The following PODXL variants were observed in gnomAD, a reference collection of about 807,000 sequenced individuals.
PODXL encodes podocalyxin like, also known as podocalyxin.
PODXL carries 20 observed loss-of-function variants against 48.9 expected under a neutral mutation model. That is an observed-to-expected ratio of 0.41 (90% CI 0.29 to 0.59). The LOEUF (loss-of-function observed/expected upper bound fraction) is 0.59. Ranked by LOEUF, PODXL falls within the 20% of genes least tolerant of loss-of-function variation. The pLI is 0.31. For missense variants in PODXL, 606 were observed against 675.1 expected (o/e 0.90, Z 1.13); for synonymous variants, 295 against 287.4 (o/e 1.03, Z -0.27).
At chr7:131,507,134 C>T (rs1488247557) in intron 5 of PODXL, among the ~76,000 whole-genome samples, 1 of 152,202 alleles carries the variant, frequency 6.6e-6, no homozygotes, top group East Asian at 1.9e-4. Context: ...ACTCCAATTC[C>T]CCCTAAACTC....
At chr7:131,509,071 G>A (rs1326770443) in intron 4 of PODXL, 43 bp from the exon 5 acceptor site, 3 of 1,517,302 alleles carry the variant, frequency 2.0e-6, no homozygotes, top group African/African-American at 1.4e-5. Flanking sequence ...TAATAGTCAT[G>A]GAATCTTTGA....
intron 1 of PODXL, among the ~76,000 whole-genome samples, chr7:131,552,378 C>T (rs989576570): frequency 6.6e-6 from 1 of 152,182 alleles, no homozygotes; most frequent in Admixed American, 6.5e-5. Context: ...CTCTTCCCCT[C>T]CCTCCCTGCA....
In PODXL at chr7:131,513,261, G is replaced by A. The variant is rs139446494; in HGVS notation, c.101-1828C>T. ...CAGTAATCCAGATGGAATGAACAGC[G>A]TTGGCCACAGGAAGCTATTGACACT... On this transcript the variant is annotated intron_variant, in intron 1 of 8. Coordinates refer to ENST00000378555, the MANE Select transcript of PODXL (RefSeq NM_001018111.3). Among the ~76,000 whole-genome samples the A allele has an allele frequency of 8.5e-5, 13 of 152,296 alleles. No individual in the cohort carries two copies. The East Asian group carries it at 1.7e-3, about 20-fold the overall frequency.
chr7:131,519,643 A>C (rs1798062670), intron 1 of PODXL, among the ~76,000 whole-genome samples: 1 of 152,198 alleles, frequency 6.6e-6, no homozygotes, highest in Non-Finnish European at 1.5e-5. Context: ...AATGTGAGGT[A>C]CAAAAATAGT....
chr7:131,511,100 G>T lies in PODXL; in HGVS notation c.434C>A (p.Thr145Asn). ...TTCTGCTCCATTCTGGCTGCTTGTG[G>T]TGTTAGGTTTAGCTGTGGCTGTGGA... ...ATSTATAKPN[T>N]TSSQNGAEDT... Residue 145 changes from threonine (T) to asparagine (N), a missense_variant, in exon 2 of 9, where the codon ACC (threonine) becomes AAC (asparagine). By Grantham distance (65) the Thr-to-Asn change is moderately conservative. Transcript: ENST00000378555. The T allele has an allele frequency of 6.2e-7, 1 of 1,613,976 alleles. No individual in the cohort carries two copies. Among genetic ancestry groups the T allele is most frequent in the Non-Finnish European group, 8.5e-7 (1 of 1,180,018 alleles).
intron 1 of PODXL, among the ~76,000 whole-genome samples, chr7:131,543,540 G>A (rs1403156119): frequency 1.3e-5 from 2 of 152,074 alleles, no homozygotes; most frequent in Non-Finnish European, 2.9e-5. Flanking sequence ...AGCCCAACAA[G>A]TAGAGACGAG....
At chr7:131,545,008 C>G (rs892244282) in intron 1 of PODXL, among the ~76,000 whole-genome samples, 1 of 152,106 alleles carries the variant, frequency 6.6e-6, no homozygotes, top group African/African-American at 2.4e-5. Flanking sequence ...GATGACGGGA[C>G]TCAGGATCTA....
intron 5 of PODXL, among the ~76,000 whole-genome samples, chr7:131,507,851 A>G (rs977123135): frequency 6.6e-6 from 1 of 152,144 alleles, no homozygotes; most frequent in Non-Finnish European, 1.5e-5. Flanking sequence ...TCTGGTCTAG[A>G]TGTAGGCTTT....
chr7:131,551,125 C>A (rs1345815858), intron 1 of PODXL, among the ~76,000 whole-genome samples: 1 of 152,212 alleles, frequency 6.6e-6, no homozygotes, highest in African/African-American at 2.4e-5. Flanking sequence ...TGTCAATTTT[C>A]TTGAAGGCTT....
intron 1 of PODXL, among the ~76,000 whole-genome samples, chr7:131,517,514 C>A (rs1798020082): frequency 6.6e-6 from 1 of 152,188 alleles, no homozygotes; most frequent in Non-Finnish European, 1.5e-5. Context: ...ATTTCTTTTC[C>A]ATGGCTGCGT....
intron 1 of PODXL, among the ~76,000 whole-genome samples, chr7:131,515,248 T>C (rs900849125): frequency 2.0e-5 from 3 of 152,172 alleles, no homozygotes; most frequent in Non-Finnish European, 2.9e-5. Context: ...AACCAGAGAC[T>C]TTCCAAGAAC....
chr7:131,524,409 A>AGAGAGAGAGAGAGAGAGAGAGAG (rs760491817), intron 1 of PODXL, among the ~76,000 whole-genome samples: 1 of 72,140 alleles, frequency 1.4e-5, no homozygotes, highest in Non-Finnish European at 3.9e-5. Flanking sequence ...GAGAGAGAGA[A>AGAGAGAGAGAGAGAGAGAGAGAG]AACAACAAGG....
chr7:131,542,184 G>A (rs1422085483), intron 1 of PODXL, among the ~76,000 whole-genome samples: 2 of 152,190 alleles, frequency 1.3e-5, no homozygotes, highest in East Asian at 1.9e-4. Context: ...AAGGGGTGGA[G>A]GAAAGGAAGG....
At chr7:131,539,069 G>A (rs1037590182) in intron 1 of PODXL, among the ~76,000 whole-genome samples, 5 of 152,176 alleles carry the variant, frequency 3.3e-5, no homozygotes, top group Admixed American at 6.5e-5. Context: ...CGCTAACCTC[G>A]CCTGCCCAAG....
intron 1 of PODXL, among the ~76,000 whole-genome samples, chr7:131,532,683 G>C (rs1798302176): frequency 6.6e-6 from 1 of 152,132 alleles, no homozygotes; most frequent in Non-Finnish European, 1.5e-5. Context: ...TGACAGACTT[G>C]ACTGTCTGGG....
At chr7:131,537,246 A>G (rs1173475429) in intron 1 of PODXL, among the ~76,000 whole-genome samples, 1 of 151,936 alleles carries the variant, frequency 6.6e-6, no homozygotes, top group Non-Finnish European at 1.5e-5. Flanking sequence ...CAGGAGGTCG[A>G]GGCTGCAGTG....
intron 1 of PODXL, among the ~76,000 whole-genome samples, chr7:131,542,709 G>C (rs1174095981): frequency 1.3e-5 from 2 of 152,072 alleles, no homozygotes; most frequent in African/African-American, 4.8e-5. Flanking sequence ...GGGGTACCTG[G>C]AGCCTCAAGA....
intron 1 of PODXL, 151 bp downstream of exon 1, chr7:131,556,109 G>T: frequency 9.0e-7 from 1 of 1,112,772 alleles, no homozygotes; most frequent in Non-Finnish European, 1.2e-6. Flanking sequence ...GGCGTGGATG[G>T]TGCAAGGTCA....
chr7:131,553,398 C>T (rs1192258823), intron 1 of PODXL, among the ~76,000 whole-genome samples: 1 of 152,158 alleles, frequency 6.6e-6, no homozygotes, highest in Non-Finnish European at 1.5e-5. Flanking sequence ...ATCATATATC[C>T]ACTGATACCC....
Sources: gnomAD v4.1 joint callset for allele counts (sites outside exome capture counted in the v4.1 genomes callset) on GRCh38, gnomAD v4.1.1 for gene constraint, MANE v1.5 for transcripts, NCBI Gene and HGNC (gene_info 2026-07-23, HGNC 2026-07-21) for gene names.